Variants in PSMG2 observed in about 807,000 individuals in gnomAD.
PSMG2 encodes CD40 ligand-activated specific transcript 3.
A neutral mutation model predicts 31.5 loss-of-function variants in PSMG2; 21 were observed. The ratio of observed to expected loss-of-function variants is 0.67; its 90% CI spans 0.47 to 0.96. PSMG2 has a LOEUF of 0.96. PSMG2 is among the 40% of genes least tolerant of loss of function. The pLI, the probability that PSMG2 is intolerant of heterozygous loss-of-function variation, is 0.00. For missense variants in PSMG2, 318 were observed against 321.2 expected (o/e 0.99, Z 0.08); for synonymous variants, 120 against 110.4 (o/e 1.09, Z -0.54).
upstream of PSMG2, among the ~76,000 whole-genome samples, chr18:12,699,546 G>A (rs1242024298): frequency 6.6e-6 from 1 of 152,122 alleles, no homozygotes; most frequent in Non-Finnish European, 1.5e-5. Flanking sequence ...TTCAGCAAGT[G>A]TATTTGTCAA....
intron 3 of PSMG2, among the ~76,000 whole-genome samples, chr18:12,716,844 A>T (rs2145146365): frequency 6.6e-6 from 1 of 152,196 alleles, no homozygotes; most frequent in African/African-American, 2.4e-5. Flanking sequence ...GGAAACACTG[A>T]AGTACAGAAA....
At chr18:12,724,302 C>T (rs1463798452) in intron 5 of PSMG2, 197 bp from the exon 6 acceptor site, 9 of 489,966 alleles carry the variant, frequency 1.8e-5, no homozygotes. Flanking sequence ...GCGTGTTCCC[C>T]AGTGGGTGTT....
chr18:12,701,913 G>A (rs2040166850), upstream of PSMG2, among the ~76,000 whole-genome samples: 1 of 152,042 alleles, frequency 6.6e-6, no homozygotes, highest in African/African-American at 2.4e-5. Context: ...GCCGGATCAC[G>A]AAGTCAGGAG....
chr18:12,697,771 A>G (rs1313294732), intron 1 of PSMG2, among the ~76,000 whole-genome samples: 2 of 152,210 alleles, frequency 1.3e-5, no homozygotes, highest in East Asian at 1.9e-4. Context: ...AATCCCTTTA[A>G]CCTCCAGAAA....
Position 12,720,670 on chromosome 18 carries a change from C to T in PSMG2, c.568C>T (p.Leu190Phe). Reference protein sequence around the residue: ...RIPGGGITKTLYDESCSKEIQ... With the variant: ...RIPGGGITKTFYDESCSKEIQ... ...TCCGGGAGGAGGTATCACAAAAACA[C>T]TCTATGATGAAAGGTGAGTTTGTTT... Residue 190 changes from leucine to phenylalanine, a missense_variant, in exon 5 of 7, where the codon CTC (leucine) becomes TTC (phenylalanine). Physicochemically the swap from Leu to Phe is conservative, Grantham distance 22. Transcript: ENST00000317615. 1 of 1,607,674 alleles carries T rather than the reference C, an allele frequency of 6.2e-7. No homozygotes were observed. Among genetic ancestry groups the T allele is most frequent in the Non-Finnish European group, 8.5e-7 (1 of 1,178,330 alleles).
In PSMG2 at chr18:12,662,755, C is replaced by T. The variant is rs533572000; in HGVS notation, c.-37+3982C>T. Reference sequence around the variant, plus strand: ...TCATGCCACTGCCCTCCAGCCTGGGCGATAGAGTGAGACCTTGTCTCAAAA... The same window carrying T: ...TCATGCCACTGCCCTCCAGCCTGGGTGATAGAGTGAGACCTTGTCTCAAAA... On this transcript the variant is annotated intron_variant, in intron 1 of 6. Coordinates refer to the PSMG2 transcript ENST00000585331. Among the ~76,000 whole-genome samples, 23 of 152,144 alleles carry T rather than the reference C, an allele frequency of 1.5e-4. No individual in the cohort carries two copies. The South Asian group carries it at 4.4e-3, about 29-fold the overall frequency.
chr18:12,702,950 C>A, upstream of PSMG2: 1 of 783,830 alleles, frequency 1.3e-6, no homozygotes, highest in Non-Finnish European at 1.9e-6. Flanking sequence ...CCCTCTGAAC[C>A]GGCAGTTAGC....
At chr18:12,691,104 CAAT>C (rs2039742545) in intron 1 of PSMG2, 2 of 333,554 alleles carry the variant, frequency 6.0e-6, no homozygotes, top group Non-Finnish European at 1.1e-5. Context: ...GTTTAAAACA[CAAT>C]AATTGATTCA....
intron 1 of PSMG2, among the ~76,000 whole-genome samples, chr18:12,669,355 G>A (rs574792925): frequency 9.9e-4 from 150 of 151,870 alleles, no homozygotes; most frequent in Middle Eastern, 6.8e-3. Context: ...CAGGTGATCC[G>A]CCCGCCTTGG....
chr18:12,695,365 T>C (rs1444497249), intron 1 of PSMG2: 1 of 1,288,794 alleles, frequency 7.8e-7, no homozygotes, highest in East Asian at 2.4e-5. Flanking sequence ...TAAACATAAA[T>C]ATTTTGAACT....
Position 12,706,620 on chromosome 18 carries a change from A to C in PSMG2, c.128A>C (p.Lys43Thr). The change falls in exon 2 of 7, where the codon AAG becomes ACG. Residue 43 changes from lysine to threonine, a missense_variant. Physicochemically the swap from Lys to Thr is moderately conservative, Grantham distance 78. Transcript: ENST00000317615. ...ATTATTTCTACACTGAATATGTCTAAGATTGGTTACTTCTATACCGATTGT... is the reference window on the plus strand; with the variant it reads ...ATTATTTCTACACTGAATATGTCTACGATTGGTTACTTCTATACCGATTGT... Reference protein sequence around the residue: ...DLIISTLNMSKIGYFYTDCLV... With the variant: ...DLIISTLNMSTIGYFYTDCLV... The C allele has an allele frequency of 6.2e-7, 1 of 1,614,176 alleles. No individual in the cohort carries two copies. The highest frequency in any genetic ancestry group is 8.5e-7 in the Non-Finnish European group (1 of 1,180,004).
At chr18:12,723,424 A>G (rs1427339929) in intron 5 of PSMG2, among the ~76,000 whole-genome samples, 2 of 152,084 alleles carry the variant, frequency 1.3e-5, no homozygotes, top group African/African-American at 2.4e-5. Context: ...CTTACTAGAT[A>G]TAGAACTTTG....
At chr18:12,667,182 T>C (rs1262589790) in intron 1 of PSMG2, among the ~76,000 whole-genome samples, 1 of 152,192 alleles carries the variant, frequency 6.6e-6, no homozygotes, top group East Asian at 1.9e-4. Context: ...TATTTTGGGC[T>C]GGGCATGGTG....
At chr18:12,719,698 C>CTT (rs34788263) in intron 4 of PSMG2, among the ~76,000 whole-genome samples, 54 of 134,740 alleles carry the variant, frequency 4.0e-4, no homozygotes, top group African/African-American at 1.4e-3. Flanking sequence ...CAGGATGTAG[C>CTT]TTTTTTTTTT....
At chr18:12,709,050 A>AT (rs2040300777) in intron 2 of PSMG2, among the ~76,000 whole-genome samples, 1 of 139,042 alleles carries the variant, frequency 7.2e-6, no homozygotes, top group Non-Finnish European at 1.6e-5. Context: ...TTATTTATTT[A>AT]TTTTGGGTGT....
chr18:12,724,319 G>A (rs2040455572), intron 5 of PSMG2, 180 bp from the exon 6 acceptor site: 3 of 560,340 alleles, frequency 5.4e-6, no homozygotes, highest in African/African-American at 3.9e-5. Context: ...TGTTACAGGG[G>A]CCTGCTCTCA....
chr18:12,699,042 G>T (rs772713539), upstream of PSMG2: 1 of 1,613,980 alleles, frequency 6.2e-7, no homozygotes, highest in South Asian at 1.1e-5. Context: ...CAGGCACATG[G>T]AACAGGTTTA....
chr18:12,702,297 G>T, upstream of PSMG2: 1 of 552,206 alleles, frequency 1.8e-6, no homozygotes, highest in Non-Finnish European at 3.2e-6. Context: ...TGCTCGGCTC[G>T]TTTTCTTTCT....
chr18:12,706,741 G>A lies in PSMG2; in HGVS notation c.229+20G>A, dbSNP rs1215572323. On this transcript the variant is annotated intron_variant, in intron 2 of 6. Transcript: ENST00000317615. ...CTGAAGGTATGTAAGACTTTACCTTGTATTTTTCCACTACAAAGTAGAGTT... is the reference window on the plus strand; with the variant it reads ...CTGAAGGTATGTAAGACTTTACCTTATATTTTTCCACTACAAAGTAGAGTT... 5.1e-6 allele frequency: 8 copies of A among 1,567,118 alleles called. No homozygotes were observed. The South Asian group carries it at 8.2e-5, about 16-fold the overall frequency.
Sources: allele counts gnomAD v4.1 joint callset (sites outside exome capture counted in the v4.1 genomes callset), GRCh38; gene constraint gnomAD v4.1.1; transcripts MANE v1.5; gene names NCBI Gene and HGNC (gene_info 2026-07-23, HGNC 2026-07-21).